Variants in TMEM223 observed in about 807,000 individuals in gnomAD.
TMEM223 encodes the protein transmembrane protein 223.
A neutral mutation model predicts 14.1 loss-of-function variants in TMEM223; 14 were observed. That is an observed-to-expected ratio of 0.99 (90% confidence interval 0.66 to 1.55). The LOEUF (loss-of-function observed/expected upper bound fraction) is 1.55. Among genes scored for constraint, TMEM223 ranks in the 40% most tolerant of loss-of-function variants. TMEM223 has a pLI of 0.00. For synonymous variants in TMEM223, 145 were observed against 120.5 expected (o/e 1.20, Z -1.33); for missense variants, 346 against 269.9 (o/e 1.28, Z -1.97).
chr11:62,783,324 TACAA>T (rs1228314708), downstream of TMEM223, among the ~76,000 whole-genome samples: 5 of 151,958 alleles, frequency 3.3e-5, no homozygotes, highest in Non-Finnish European at 7.4e-5. Flanking sequence ...CTACTAAAAA[TACAA>T]ACAATTAGCC....
At chr11:62,782,621 T>G, downstream of TMEM223, 1 of 1,575,540 alleles carries the variant, frequency 6.3e-7, no homozygotes, top group Non-Finnish European at 8.7e-7. Flanking sequence ...GCTATTCTCT[T>G]TGTGTTGTCT....
chr11:62,791,550 C>A, intron 1 of TMEM223, 129 bp downstream of exon 1: 6 of 1,224,256 alleles, frequency 4.9e-6, no homozygotes, highest in Non-Finnish European at 5.5e-6. Flanking sequence ...GCCAGTGTTT[C>A]ACATTTCTGT....
chr11:62,789,829 G>C, downstream of TMEM223: 2 of 1,579,412 alleles, frequency 1.3e-6, no homozygotes, highest in Non-Finnish European at 1.7e-6. Context: ...GTGTGGGTGG[G>C]AAGGACTGGA....
At chr11:62,786,855 G>A, downstream of TMEM223, 1 of 1,594,248 alleles carries the variant, frequency 6.3e-7, no homozygotes, top group South Asian at 1.1e-5. Flanking sequence ...AGGAGCCGGC[G>A]GCAGCCCCGG....
At chr11:62,785,671 A>C (rs1215409654), downstream of TMEM223, among the ~76,000 whole-genome samples, 3 of 151,592 alleles carry the variant, frequency 2.0e-5, no homozygotes, top group Non-Finnish European at 4.4e-5. Flanking sequence ...AGTAGTTGAG[A>C]TTACAGGCAA....
chr11:62,779,826 T>C lies in TMEM223; in HGVS notation c.315-5161A>G, dbSNP rs1590935019. Among the ~76,000 whole-genome samples the C allele has an allele frequency of 3.4e-5, 5 of 148,778 alleles. No individual in the cohort carries two copies. The East Asian group carries it at 1.0e-3, about 30-fold the overall frequency. On this transcript the variant is annotated intron_variant, in intron 1 of 2. Coordinates refer to the TMEM223 transcript ENST00000528367. ...GATTACAGGGGCATACCACCATGCC[T>C]GGCTAATTTTTGCATTTTTAGTAGA...
chr11:62,771,247 G>T (rs955254096), downstream of TMEM223: 1 of 152,256 alleles, frequency 6.6e-6, no homozygotes, highest in Non-Finnish European at 1.5e-5. Context: ...GCTTTAAGAA[G>T]CGGGAATCTT....
In TMEM223 at chr11:62,790,889, G is replaced by C. The variant is rs771570532; in HGVS notation, c.343C>G (p.Leu115Val). The C allele has an allele frequency of 2.5e-6, 4 of 1,597,820 alleles. No individual in the cohort carries two copies. The highest frequency in any genetic ancestry group is 2.6e-6 in the Non-Finnish European group (3 of 1,169,986). The change falls in exon 2 of 2, where the codon CTC (leucine) becomes GTC (valine). Residue 115 changes from leucine to valine, a missense_variant. By Grantham distance (32) the Leu-to-Val change is conservative. Transcript: ENST00000307366. ...GAGCGCACAGACCGGAGAGAGAAGA[G>C]AAGACCAGCACCGAGTACGAGGGCT... ...IGALVLGAGL[L>V]FSLRSVRSVV...
At chr11:62,782,001 T>C in intron 1 of TMEM223, 1 of 1,611,958 alleles carries the variant, frequency 6.2e-7, no homozygotes, top group Non-Finnish European at 8.5e-7. Flanking sequence ...GGAGAATGTT[T>C]TATAAGGAAG....
chr11:62,790,473 G>T lies in TMEM223; in HGVS notation c.*150C>A. 1.6e-6 allele frequency: 1 copy of T among 642,352 alleles called. No homozygotes were observed. The highest frequency in any genetic ancestry group is 3.0e-5 in the East Asian group (1 of 33,282). 39.8% of individuals were successfully genotyped at this position (642,352 alleles called of 1,614,324 possible). ...TTTTTGTAAATAGAGACAAGGTCTC[G>T]CTATGTTGCCCAGCCTGGGCTCGAG... On this transcript the variant is annotated 3_prime_UTR_variant, in exon 2 of 2. Coordinates refer to ENST00000307366, the MANE Select transcript of TMEM223 (RefSeq NM_001080501.3).
At chr11:62,778,093 A>G in intron 1 of TMEM223, 2 of 1,614,132 alleles carry the variant, frequency 1.2e-6, no homozygotes, top group Non-Finnish European at 1.7e-6. Flanking sequence ...CTGGCTACCA[A>G]CATCCCCAAA....
chr11:62,789,069 A>G, downstream of TMEM223: 1 of 1,614,116 alleles, frequency 6.2e-7, no homozygotes, highest in South Asian at 1.1e-5. Context: ...GCCACCCTGA[A>G]TGGCTCCTCC....
chr11:62,771,211 T>C (rs1056454348), downstream of TMEM223: 1 of 152,276 alleles, frequency 6.6e-6, no homozygotes, highest in Non-Finnish European at 1.5e-5. Context: ...AATACACACC[T>C]ACTCGCAAAC....
At chr11:62,772,167 T>C in intron 2 of TMEM223, 3 of 456,192 alleles carry the variant, frequency 6.6e-6, no homozygotes, top group Middle Eastern at 3.3e-4. Context: ...TAATATCTTA[T>C]TATTGAGAAT....
chr11:62,791,318 C>T (rs1311841713), intron 1 of TMEM223, among the ~76,000 whole-genome samples: 1 of 151,976 alleles, frequency 6.6e-6, no homozygotes, highest in Non-Finnish European at 1.5e-5. Context: ...AGTGCAGTGG[C>T]GTCATCTCGG....
downstream of TMEM223, chr11:62,789,527 C>A: frequency 6.3e-7 from 1 of 1,584,092 alleles, no homozygotes. Flanking sequence ...TCTCAACTCA[C>A]AGGGCACTGG....
At chr11:62,783,825 G>A (rs1448594489), downstream of TMEM223, among the ~76,000 whole-genome samples, 3 of 150,740 alleles carry the variant, frequency 2.0e-5, no homozygotes, top group Admixed American at 1.3e-4. Flanking sequence ...GAGCCACCAC[G>A]CCCAGCCGAT....
downstream of TMEM223, among the ~76,000 whole-genome samples, chr11:62,788,650 G>A (rs2084319602): frequency 6.9e-6 from 1 of 145,916 alleles, no homozygotes; most frequent in South Asian, 2.2e-4. Context: ...CGTGCAGTGA[G>A]CCGAGATGGC....
At chr11:62,775,830 C>T (rs1160663048) in intron 1 of TMEM223, 3 of 1,613,078 alleles carry the variant, frequency 1.9e-6, no homozygotes, top group Non-Finnish European at 1.7e-6. Flanking sequence ...CCTCGGGAGT[C>T]TGTCCGGCTC....
Sources: gnomAD v4.1 joint callset for allele counts (sites outside exome capture counted in the v4.1 genomes callset) on GRCh38, gnomAD v4.1.1 for gene constraint, MANE v1.5 for transcripts, NCBI Gene and HGNC (gene_info 2026-07-23, HGNC 2026-07-21) for gene names.